Variants in CDH12 observed in about 807,000 individuals in gnomAD.
The protein encoded by CDH12 is cadherin-12.
Under a neutral mutation model 74.1 loss-of-function variants are expected in CDH12, and 41 were observed. That is an observed-to-expected ratio of 0.55 (90% CI 0.43 to 0.72). CDH12 has a LOEUF of 0.72. Among genes scored for constraint, CDH12 ranks in the 30% least tolerant of loss-of-function variants. CDH12 has a pLI of 0.00. For missense variants in CDH12, 945 were observed against 977.2 expected (o/e 0.97, Z 0.44); for synonymous variants, 399 against 355.0 (o/e 1.12, Z -1.39).
intron 6 of CDH12, among the ~76,000 whole-genome samples, chr5:21,937,226 A>G (rs1755113078): frequency 6.6e-6 from 1 of 152,178 alleles, no homozygotes; most frequent in Non-Finnish European, 1.5e-5. Context: ...TCCTGAGGGT[A>G]GGTGACTGAG....
chr5:22,039,179 T>C (rs1015768491), intron 5 of CDH12, among the ~76,000 whole-genome samples: 1 of 152,048 alleles, frequency 6.6e-6, no homozygotes, highest in Admixed American at 6.6e-5. Flanking sequence ...GGATAACCCT[T>C]GGATCTGAGT....
At chr5:21,962,614 C>T (rs1468202432) in intron 6 of CDH12, among the ~76,000 whole-genome samples, 2 of 151,902 alleles carry the variant, frequency 1.3e-5, no homozygotes, top group African/African-American at 4.8e-5. Context: ...ACTAATACAC[C>T]GTAGAGAATC....
chr5:22,382,706 T>C (rs1741821726), intron 3 of CDH12, among the ~76,000 whole-genome samples: 1 of 152,160 alleles, frequency 6.6e-6, no homozygotes, highest in African/African-American at 2.4e-5. Context: ...AGCATCCCTT[T>C]ATTTGTAAAT....
rs138316292 is a variant in CDH12 at position 22,778,100 on chromosome 5, C to T, written c.-523+74958G>A. ...GATTACAAGCATGGGCCATCATGCC[C>T]GGCCAGATATTACATTTTTTTGTTT... On this transcript the variant is annotated intron_variant, in intron 1 of 14. Transcript: ENST00000382254. Among the ~76,000 whole-genome samples, 769 of 152,146 alleles carry T rather than the reference C, an allele frequency of 5.1e-3. 24 individuals carry two copies. Among genetic ancestry groups the T allele is most frequent in the Admixed American group, 0.044 (664 of 15,264 alleles).
At chr5:22,545,626 A>G (rs561573176) in intron 1 of CDH12, among the ~76,000 whole-genome samples, 1 of 152,344 alleles carries the variant, frequency 6.6e-6, no homozygotes, top group East Asian at 1.9e-4. Context: ...TCAAAATAAA[A>G]GTATCTTCTG....
chr5:22,797,232 C>T (rs1748276177), intron 1 of CDH12, among the ~76,000 whole-genome samples: 1 of 147,180 alleles, frequency 6.8e-6, no homozygotes, highest in Non-Finnish European at 1.5e-5. Context: ...CTTGCACTTG[C>T]TGCCATGTGA....
chr5:22,281,945 G>A (rs1736905659), intron 3 of CDH12, among the ~76,000 whole-genome samples: 1 of 152,086 alleles, frequency 6.6e-6, no homozygotes, highest in East Asian at 1.9e-4. Flanking sequence ...GAACAAAGCT[G>A]GAGGCATCAT....
chr5:22,386,922 T>A (rs1742024047), intron 3 of CDH12, among the ~76,000 whole-genome samples: 1 of 151,990 alleles, frequency 6.6e-6, no homozygotes, highest in Admixed American at 6.5e-5. Context: ...AAATGTGATT[T>A]ACTTAATTTA....
At chr5:22,716,050 T>C (rs183577550) in intron 1 of CDH12, among the ~76,000 whole-genome samples, 53 of 152,018 alleles carry the variant, frequency 3.5e-4, no homozygotes, top group Non-Finnish European at 6.6e-4. Context: ...GGCAGGAGAA[T>C]TGCTTGAACC....
Position 21,765,005 on chromosome 5 carries a change from G to C in CDH12, c.1488C>G (p.Ala496=). The C allele has an allele frequency of 1.9e-6, 3 of 1,613,372 alleles. No individual in the cohort carries two copies. The highest frequency in any genetic ancestry group is 1.7e-6 in the Non-Finnish European group (2 of 1,179,582). The stretch of plus-strand genomic sequence containing the variant: ...GTCCTGGCTTGGCATTTTCACACAC[G>C]GCTGTCTCATATGGCACAGATATTT... ...PPEISVPYET[A]VCENAKPGQI... The change falls in exon 12 of 15, where the codon GCC becomes GCG. Residue 496 remains alanine (A), a synonymous_variant. Coordinates refer to ENST00000382254, the MANE Select transcript of CDH12 (RefSeq NM_004061.5).
intron 1 of CDH12, among the ~76,000 whole-genome samples, chr5:22,695,975 C>T (rs1174560732): frequency 6.6e-6 from 1 of 152,128 alleles, no homozygotes; most frequent in Non-Finnish European, 1.5e-5. Flanking sequence ...TTAACCAACA[C>T]TGGTTCTTTT....
rs1468560332 is a variant in CDH12 at position 21,816,953 on chromosome 5, A to G, written c.994T>C (p.Leu332=). Residue 332 remains leucine (L), a synonymous_variant, in exon 9 of 15, where the codon TTG becomes CTG. Transcript: ENST00000382254. ...DEDTQEGVIK[L]KKPLDFETKK... is the part of the protein sequence containing the mutation. ...AACATTTGTCTATATACCTTTTTCA[A>G]TTTGATGACTCCCTCTTGTGTATCC... is the stretch of plus-strand genomic sequence containing the variant. The G allele has an allele frequency of 3.8e-6, 6 of 1,599,498 alleles. No homozygotes were observed. Among genetic ancestry groups the G allele is most frequent in the East Asian group, 4.5e-5 (2 of 44,530 alleles).
rs192185083 is a variant in CDH12 at position 22,724,274 on chromosome 5, G to A, written c.-523+128784C>T. ...TCAATTGTTTTTGGGGTACAGGTGAGTTTGTGTTAATGGGTAAGTCATTTA... is the reference window on the plus strand; with the variant it reads ...TCAATTGTTTTTGGGGTACAGGTGAATTTGTGTTAATGGGTAAGTCATTTA... On this transcript the variant is annotated intron_variant, in intron 1 of 14. Coordinates refer to ENST00000382254, the MANE Select transcript of CDH12 (RefSeq NM_004061.5). 1.9e-3 allele frequency among the ~76,000 whole-genome samples: 289 copies of A among 151,598 alleles called. 1 individual carries two copies. The highest frequency in any genetic ancestry group is 6.8e-3 in the African/African-American group (283 of 41,404).
At chr5:22,136,471 T>C (rs1479746223) in intron 4 of CDH12, among the ~76,000 whole-genome samples, 3 of 151,972 alleles carry the variant, frequency 2.0e-5, no homozygotes, top group Non-Finnish European at 4.4e-5. Flanking sequence ...AGACAAATCA[T>C]GCCATCTCAC....
intron 9 of CDH12, among the ~76,000 whole-genome samples, chr5:21,808,630 T>C (rs1747569693): frequency 6.6e-6 from 1 of 151,924 alleles, no homozygotes; most frequent in Non-Finnish European, 1.5e-5. Context: ...TATAAATAGG[T>C]TTATTACACT....
At chr5:21,757,139 A>T (rs1343825422) in intron 13 of CDH12, among the ~76,000 whole-genome samples, 2 of 152,136 alleles carry the variant, frequency 1.3e-5, no homozygotes, top group African/African-American at 4.8e-5. Context: ...TGTATGTGTC[A>T]AATGGCAGCC....
At chr5:22,624,992 G>A (rs1158596459) in intron 1 of CDH12, among the ~76,000 whole-genome samples, 5 of 152,204 alleles carry the variant, frequency 3.3e-5, no homozygotes, top group African/African-American at 1.2e-4. Context: ...AAAAAAGGGT[G>A]AGTTCATGTC....
chr5:22,021,740 G>T (rs955927545), intron 5 of CDH12, among the ~76,000 whole-genome samples: 1 of 152,194 alleles, frequency 6.6e-6, no homozygotes, highest in East Asian at 1.9e-4. Context: ...TAAAAAATAT[G>T]TATAGATTGT....
At chr5:22,848,799 AC>A (rs1178452221) in intron 1 of CDH12, among the ~76,000 whole-genome samples, 1 of 152,186 alleles carries the variant, frequency 6.6e-6, no homozygotes, top group African/African-American at 2.4e-5. Flanking sequence ...CACTGAGAAT[AC>A]TGATTCAGTC....
Sources: allele counts gnomAD v4.1 joint callset (sites outside exome capture counted in the v4.1 genomes callset), GRCh38; gene constraint gnomAD v4.1.1; transcripts MANE v1.5; gene names NCBI Gene and HGNC (gene_info 2026-07-23, HGNC 2026-07-21).